The following TRPM2 variants were observed in gnomAD, a reference collection of about 807,000 sequenced individuals.
TRPM2 encodes the protein estrogen-responsive element-associated gene 1 protein.
In TRPM2, 161 loss-of-function variants were observed where a neutral mutation model predicts 174.0. The observed-to-expected ratio is 0.93, with a 90% CI of 0.81 to 1.05. TRPM2 has a LOEUF of 1.05. Among genes scored for constraint, TRPM2 ranks in the 50% least tolerant of loss-of-function variants. The probability of loss-of-function intolerance (pLI) is 0.00; values close to 1 mark genes in which losing one functional copy is unlikely to be tolerated. For missense variants in TRPM2, 2,057 were observed against 2,038.0 expected, an observed-to-expected ratio of 1.01 and a Z score of -0.18; for synonymous variants, 954 against 861.3, an observed-to-expected ratio of 1.11 and a Z score of -1.88.
At position 44,439,198 on chromosome 21, in the gene TRPM2, C is replaced by A; in HGVS notation, c.4269+30C>A. On this transcript the variant is annotated intron_variant, in intron 30 of 31. Transcript: ENST00000397928. This position sits in a 1 kb window ranked among gnomAD's most constrained non-coding sequence, Gnocchi z 5.1. ...TCCTGGCCTGTTTGCTCTGTTCCAC[C>A]TGTGTGTCCCCAGGGCTGCAGGACA... is the stretch of plus-strand genomic sequence containing the variant. The A allele has an allele frequency of 6.3e-7, 1 of 1,592,346 alleles. No individual in the cohort carries two copies. Among genetic ancestry groups the A allele is most frequent in the Non-Finnish European group, 8.6e-7 (1 of 1,161,344 alleles).
chr21:44,394,113 C>T (rs1349537386), intron 11 of TRPM2, among the ~76,000 whole-genome samples: 1 of 152,130 alleles, frequency 6.6e-6, no homozygotes, highest in Non-Finnish European at 1.5e-5. Context: ...TTAGGATCCA[C>T]CCATCTTGGC....
intron 2 of TRPM2, among the ~76,000 whole-genome samples, chr21:44,362,324 G>A: frequency 7.5e-6 from 1 of 133,586 alleles, no homozygotes; most frequent in Non-Finnish European, 1.5e-5. Context: ...CTAACACGGT[G>A]AAACCCCGTC....
At chr21:44,430,417 C>CTTT (rs1192354581) in intron 27 of TRPM2, among the ~76,000 whole-genome samples, 22 of 43,566 alleles carry the variant, frequency 5.0e-4, no homozygotes, top group Admixed American at 7.1e-4. Flanking sequence ...AAGTGGATTT[C>CTTT]TTTTTTTTTT....
intron 16 of TRPM2, 91 bp downstream of exon 16, chr21:44,401,988 A>G: frequency 7.0e-7 from 1 of 1,419,024 alleles, no homozygotes; most frequent in Non-Finnish European, 9.9e-7. Context: ...AGCCCACCCC[A>G]TCTAGCCTGC....
At chr21:44,387,033 T>C (rs1476349722) in intron 9 of TRPM2, among the ~76,000 whole-genome samples, 1 of 151,852 alleles carries the variant, frequency 6.6e-6, no homozygotes, top group Non-Finnish European at 1.5e-5. Flanking sequence ...CTATAAAAAA[T>C]ATAAAAGCTG....
intron 4 of TRPM2, among the ~76,000 whole-genome samples, chr21:44,368,304 T>A (rs2048416101): frequency 6.6e-6 from 1 of 151,612 alleles, no homozygotes; most frequent in Admixed American, 6.6e-5. Flanking sequence ...AGAGACAAGG[T>A]CTATGTTGTC....
chr21:44,429,425 T>G (rs776898731), intron 27 of TRPM2, among the ~76,000 whole-genome samples: 60 of 151,706 alleles, frequency 4.0e-4, no homozygotes, highest in Middle Eastern at 6.8e-3. Context: ...GTAGTTGGAA[T>G]TACAGGCATC....
intron 19 of TRPM2, among the ~76,000 whole-genome samples, chr21:44,408,710 T>C (rs2049990553): frequency 6.8e-6 from 1 of 146,114 alleles, no homozygotes; most frequent in Admixed American, 7.1e-5. Context: ...CAGGCTGGAA[T>C]GCAGTGGTGC....
chr21:44,379,247 A>G, intron 8 of TRPM2, 50 bp downstream of exon 8: 2 of 1,589,678 alleles, frequency 1.3e-6, no homozygotes, highest in Non-Finnish European at 1.7e-6. Context: ...CTTTGCAGAG[A>G]CACTGTCAGC....
intron 2 of TRPM2, 26 bp from the exon 3 acceptor site, chr21:44,364,087 TG>T: frequency 1.2e-6 from 2 of 1,607,650 alleles, no homozygotes; most frequent in Non-Finnish European, 1.7e-6. Context: ...CCACACTCCC[TG>T]GGTGACTGGT....
rs935168888 is a variant in TRPM2, at chr21:44,399,905, G to A, written c.2209-354G>A. Among the ~76,000 whole-genome samples, 1 of 152,184 alleles carries A rather than the reference G, an allele frequency of 6.6e-6. No individual in the cohort carries two copies. The highest frequency in any genetic ancestry group is 2.4e-5 in the African/African-American group (1 of 41,452). The stretch of plus-strand genomic sequence containing the variant: ...ACGCTGGGCTTCCTTGGAGCGCCGA[G>A]CTATTGCCAAGTCCATGAGCTCCCG... On this transcript the variant is annotated intron_variant, in intron 14 of 31. Coordinates refer to ENST00000397928, the MANE Select transcript of TRPM2 (RefSeq NM_003307.4). The surrounding 1 kb of genome is among the most constrained non-coding windows in gnomAD (Gnocchi z 4.6).
In TRPM2 at chr21:44,442,178, T is replaced by C. The variant is rs777815042; in HGVS notation, c.*361T>C. The stretch of plus-strand genomic sequence containing the variant: ...AGCAGCTCATCCACCATGGAGGTCA[T>C]TGGCCTGAGGCAAGTTCCCCGGAGA... On this transcript the variant is annotated 3_prime_UTR_variant, in exon 32 of 32. Coordinates refer to ENST00000397928, the MANE Select transcript of TRPM2 (RefSeq NM_003307.4). 9 of 201,402 alleles carry C rather than the reference T, an allele frequency of 4.5e-5. No homozygotes were observed. Among genetic ancestry groups the C allele is most frequent in the Non-Finnish European group, 7.0e-5 (7 of 100,584 alleles). The allele number at this position is 201,402 out of a possible 1,614,324, so 12.5% of individuals were successfully genotyped here.
intron 2 of TRPM2, 55 bp from the exon 3 acceptor site, chr21:44,364,059 C>T: frequency 6.4e-7 from 1 of 1,564,496 alleles, no homozygotes; most frequent in Non-Finnish European, 8.7e-7. Flanking sequence ...GATGCCTTCA[C>T]AGGGAGCAGG....
intron 22 of TRPM2, among the ~76,000 whole-genome samples, chr21:44,419,910 CAGT>C (rs1377813457): frequency 8.0e-6 from 1 of 125,414 alleles, no homozygotes; most frequent in Non-Finnish European, 1.7e-5. Context: ...GTGATGGTGA[CAGT>C]GGTGGTAGTG....
chr21:44,352,243 G>C (rs961225412), upstream of TRPM2, among the ~76,000 whole-genome samples: 2 of 152,240 alleles, frequency 1.3e-5, no homozygotes, highest in Non-Finnish European at 2.9e-5. Flanking sequence ...TCTGAGAACT[G>C]CAGGAAAAGG....
intron 24 of TRPM2, chr21:44,425,182 C>G (rs549325695): frequency 6.7e-5 from 36 of 535,308 alleles, no homozygotes; most frequent in African/African-American, 6.7e-4. Context: ...GAGGCCTGGC[C>G]TGCTGTGCCC....
At chr21:44,423,599 G>T in intron 22 of TRPM2, 46 bp from the exon 23 acceptor site, 1 of 1,549,308 alleles carries the variant, frequency 6.5e-7, no homozygotes, top group East Asian at 2.3e-5. Flanking sequence ...CGTTCCCAGG[G>T]CCCCAAGGTG....
chr21:44,379,529 G>T (rs113509821), intron 8 of TRPM2, among the ~76,000 whole-genome samples: 2 of 152,242 alleles, frequency 1.3e-5, no homozygotes, highest in African/African-American at 4.8e-5. Context: ...GGCCTCAGCC[G>T]AGTCGGGCAG....
intron 9 of TRPM2, among the ~76,000 whole-genome samples, chr21:44,385,683 G>A (rs2048998870): frequency 6.6e-6 from 1 of 152,188 alleles, no homozygotes; most frequent in African/African-American, 2.4e-5. Context: ...ATTTATAAAG[G>A]AAAGAGGTTA....
Sources: allele counts gnomAD v4.1 joint callset (sites outside exome capture counted in the v4.1 genomes callset), GRCh38; gene constraint gnomAD v4.1.1; non-coding constraint Gnocchi (gnomAD v3.1); transcripts MANE v1.5; gene names NCBI Gene and HGNC (gene_info 2026-07-23, HGNC 2026-07-21).